The following AKT1 variants were observed in gnomAD, a reference collection of about 807,000 sequenced individuals.
The protein encoded by AKT1 is RAC-alpha serine/threonine-protein kinase.
Under a neutral mutation model 63.1 loss-of-function variants are expected in AKT1, and 21 were observed. The ratio of observed to expected loss-of-function variants is 0.33; its 90% CI spans 0.24 to 0.48. AKT1 has a LOEUF of 0.48. AKT1 is among the 20% of genes least tolerant of loss of function. The pLI is 0.99. For missense variants in AKT1, 382 were observed against 666.0 expected, an observed-to-expected ratio of 0.57 and a Z score of 4.69; for synonymous variants, 257 against 253.1, an observed-to-expected ratio of 1.02 and a Z score of -0.15.
intron 3 of AKT1, among the ~76,000 whole-genome samples, chr14:104,787,703 C>T (rs1893406537): frequency 6.6e-6 from 1 of 152,240 alleles, no homozygotes; most frequent in South Asian, 2.1e-4. Flanking sequence ...TGTCCACTCT[C>T]CTGGGCCTCA....
intron 11 of AKT1, 27 bp downstream of exon 11, chr14:104,773,224 G>T (rs377758228): frequency 6.2e-7 from 1 of 1,613,920 alleles, no homozygotes. Context: ...ACGCAGCAAC[G>T]CGTATGCACG....
At chr14:104,793,364 G>A (rs771481743) in intron 1 of AKT1, 60 bp from the exon 2 acceptor site, 22 of 205,434 alleles carry the variant, frequency 1.1e-4, no homozygotes, top group Admixed American at 5.4e-4. Context: ...GGCCACTGGC[G>A]CAAACGGGAG....
In AKT1 at chr14:104,795,210, G is replaced by A. The variant is rs1893828923; in HGVS notation, c.-258+274C>T. ...GGCGGCGTCCCTTCTCTCGGGTCCCGGCCTCGCCCGGCGGAGCGGCCTCCC... is the reference window on the plus strand; with the variant it reads ...GGCGGCGTCCCTTCTCTCGGGTCCCAGCCTCGCCCGGCGGAGCGGCCTCCC... On this transcript the variant is annotated intron_variant, in intron 1 of 14. Transcript: ENST00000649815. This position sits in a 1 kb window ranked among gnomAD's most constrained non-coding sequence, Gnocchi z 5.1. Among the ~76,000 whole-genome samples, 2 of 151,768 alleles carry A rather than the reference G, an allele frequency of 1.3e-5. No individual in the cohort carries two copies. Among genetic ancestry groups the A allele is most frequent in the Non-Finnish European group, 2.9e-5 (2 of 67,848 alleles).
Position 104,792,688 on chromosome 14 carries a change from G to A in AKT1, c.-45C>T, listed in dbSNP as rs34757714. On this transcript the variant is annotated 5_prime_UTR_variant, in exon 3 of 15. Transcript: ENST00000649815. ...ACGCTCACGCGCTCCTCTCAGGCTGGCGCTCCCCGAGCCCAGCTGGCCTGG... is the reference window on the plus strand; with the variant it reads ...ACGCTCACGCGCTCCTCTCAGGCTGACGCTCCCCGAGCCCAGCTGGCCTGG... The A allele has an allele frequency of 2.5e-6, 4 of 1,602,896 alleles. No individual in the cohort carries two copies. Among genetic ancestry groups the A allele is most frequent in the Admixed American group, 3.3e-5 (2 of 59,974 alleles).
rs530462079 is a variant in AKT1, at chr14:104,771,230, G to T, written c.1261-383C>A. ...CTTCTTGTAAATTGGGAAAGAGGGA[G>T]ACTGTGGAACAAGGTGCACAGGATG... On this transcript the variant is annotated intron_variant, in intron 13 of 14. Coordinates refer to ENST00000649815, the MANE Select transcript of AKT1 (RefSeq NM_001382430.1). The T allele has an allele frequency of 5.8e-5, 18 of 310,406 alleles. No homozygotes were observed. The South Asian group carries it at 1.0e-3, about 17-fold the overall frequency. The allele number at this position is 310,406 out of a possible 1,614,324, so 19.2% of individuals were successfully genotyped here. A position where few individuals can be genotyped will look rare whatever the true frequency, so the allele number is the denominator to read the frequency against.
In AKT1 at chr14:104,770,018, CG is replaced by C; in HGVS notation, c.*322del. On this transcript the variant is annotated 3_prime_UTR_variant, in exon 15 of 15. Transcript: ENST00000649815. Reference sequence around the variant, plus strand: ...AGGGGACACATGGGCAGGACCTGCCCGGCCCCCCAATGCCACATTGCGCATA... The same window carrying C: ...AGGGGACACATGGGCAGGACCTGCCCGCCCCCCAATGCCACATTGCGCATA... 1 of 468,584 alleles carries C rather than the reference CG, an allele frequency of 2.1e-6. No individual in the cohort carries two copies. Among genetic ancestry groups the C allele is most frequent in the Non-Finnish European group, 3.9e-6 (1 of 255,602 alleles). 29.0% of individuals were successfully genotyped at this position (468,584 alleles called of 1,614,324 possible). A position where few individuals can be genotyped will look rare whatever the true frequency, so the allele number is the denominator to read the frequency against.
intron 8 of AKT1, chr14:104,774,307 C>T (rs1046701822): frequency 7.4e-5 from 31 of 418,594 alleles, no homozygotes; most frequent in Non-Finnish European, 1.3e-4. Context: ...CCCTGAGGTG[C>T]CAAGGAGTGT....
chr14:104,780,717 C>A (rs1055275661), intron 3 of AKT1, among the ~76,000 whole-genome samples: 6 of 150,258 alleles, frequency 4.0e-5, no homozygotes, highest in East Asian at 1.9e-4. Context: ...ATGGCCGCCC[C>A]CCCCGCCCCG....
At chr14:104,786,451 C>T (rs1893339014) in intron 3 of AKT1, 1 of 152,256 alleles carries the variant, frequency 6.6e-6, no homozygotes. Context: ...GGCACGCAGC[C>T]ATGCCCACAG....
At chr14:104,777,000 C>T (rs1892754610) in intron 4 of AKT1, 2 of 508,012 alleles carry the variant, frequency 3.9e-6, no homozygotes, top group Non-Finnish European at 7.1e-6. Flanking sequence ...CACAGGGCAT[C>T]TGGCCCGGCG....
chr14:104,773,225 C>T (rs370843446), intron 11 of AKT1, 26 bp downstream of exon 11: 50 of 1,613,894 alleles, frequency 3.1e-5, no homozygotes, highest in Middle Eastern at 1.6e-4. Flanking sequence ...CGCAGCAACG[C>T]GTATGCACGC....
intron 4 of AKT1, chr14:104,777,806 G>A: frequency 1.1e-6 from 1 of 879,514 alleles, no homozygotes; most frequent in Non-Finnish European, 1.4e-6. Flanking sequence ...TGTCTTCCAG[G>A]CCTGGGGGCC....
intron 3 of AKT1, among the ~76,000 whole-genome samples, chr14:104,786,079 A>ACCCTGT (rs979610308): frequency 1.3e-5 from 2 of 151,570 alleles, no homozygotes; most frequent in African/African-American, 4.9e-5. Flanking sequence ...ACATCCCAAG[A>ACCCTGT]CCCTGTCCCT....
chr14:104,777,841 G>T, intron 4 of AKT1: 2 of 387,750 alleles, frequency 5.2e-6, no homozygotes, highest in Non-Finnish European at 3.5e-6. Context: ...GACCAGCCTG[G>T]TGGGGAGGGT....
intron 5 of AKT1, 176 bp from the exon 6 acceptor site, chr14:104,775,975 GC>G (rs1292533864): frequency 1.4e-6 from 1 of 714,286 alleles, no homozygotes; most frequent in East Asian, 2.8e-5. Flanking sequence ...GGGTCACGAA[GC>G]CCTCTTGGAC....
chr14:104,792,703 A>G lies in AKT1; in HGVS notation c.-60T>C. The G allele has an allele frequency of 6.3e-7, 1 of 1,591,982 alleles. No individual in the cohort carries two copies. The highest frequency in any genetic ancestry group is 2.2e-5 in the East Asian group (1 of 44,840). ...TCTCAGGCTGGCGCTCCCCGAGCCC[A>G]GCTGGCCTGGCCACAGCCTCTGGGA... On this transcript the variant is annotated 5_prime_UTR_variant, in exon 3 of 15. Coordinates refer to ENST00000649815, the MANE Select transcript of AKT1 (RefSeq NM_001382430.1).
chr14:104,769,822 G>A lies in AKT1; in HGVS notation c.*519C>T, dbSNP rs997241235. On this transcript the variant is annotated 3_prime_UTR_variant, in exon 15 of 15. Transcript: ENST00000649815. ...CTCCGATGACGTCCTCAGAGACACG[G>A]CCTTAGTGCTGGGGGGCTGCTGTGT... 3 of 392,052 alleles carry A rather than the reference G, an allele frequency of 7.7e-6. No individual in the cohort carries two copies. The Admixed American group carries it at 1.3e-4, about 17-fold the overall frequency. 24.3% of individuals were successfully genotyped at this position (392,052 alleles called of 1,614,324 possible).
In AKT1 at chr14:104,795,581, G is replaced by C. The variant is rs1361479513; in HGVS notation, c.-355C>G. On this transcript the variant is annotated 5_prime_UTR_variant, in exon 1 of 15. Coordinates refer to ENST00000649815, the MANE Select transcript of AKT1 (RefSeq NM_001382430.1). This position sits in a 1 kb window ranked among gnomAD's most constrained non-coding sequence, Gnocchi z 5.1. ...CCGCGGGCCGGCGCTGGGCGGGGCC[G>C]GGCTGGAGGCCGCGGCGGGCGGGGG... 2 of 145,800 alleles carry C rather than the reference G, an allele frequency of 1.4e-5. No homozygotes were observed. The highest frequency in any genetic ancestry group is 3.0e-5 in the Non-Finnish European group (2 of 65,702). The allele number at this position is 145,800 out of a possible 1,614,324, so 9.0% of individuals were successfully genotyped here.
chr14:104,770,844 T>C lies in AKT1; in HGVS notation c.1264A>G (p.Ser422Gly). The C allele has an allele frequency of 6.2e-7, 1 of 1,613,954 alleles. No individual in the cohort carries two copies. Among genetic ancestry groups the C allele is most frequent in the Non-Finnish European group, 8.5e-7 (1 of 1,179,916 alleles). Residue 422 changes from serine to glycine, a missense_variant, in exon 14 of 15, where the codon AGC (serine) becomes GGC (glycine). This residue lies in a region of AKT1 where 90 missense variants were observed against 120.5 expected (regional missense o/e 0.75). Transcript: ENST00000649815. The stretch of plus-strand genomic sequence containing the variant: ...GTGACCTGGGGCTTGAAGGGTGGGC[T>C]GAGCTGCAGAGGTGGGCAGACGGGA... ...VWQHVYEKKLSPPFKPQVTSE... is the reference protein window; with the variant it reads ...VWQHVYEKKLGPPFKPQVTSE...
Sources: allele counts gnomAD v4.1 joint callset (sites outside exome capture counted in the v4.1 genomes callset), GRCh38; gene constraint gnomAD v4.1.1; regional missense constraint gnomAD v4.1.1; non-coding constraint Gnocchi (gnomAD v3.1); transcripts MANE v1.5; gene names NCBI Gene and HGNC (gene_info 2026-07-23, HGNC 2026-07-21).